CSNK1G3: variants seen among roughly 807,000 people sequenced by gnomAD.
CSNK1G3 encodes casein kinase 1 gamma 3.
In CSNK1G3, 23 loss-of-function variants were observed where a neutral mutation model predicts 64.3. The observed-to-expected ratio is 0.36, with a 90% CI of 0.26 to 0.51. The LOEUF (loss-of-function observed/expected upper bound fraction) is 0.51. Ranked by LOEUF, CSNK1G3 falls within the 20% of genes least tolerant of loss-of-function variation. The probability of loss-of-function intolerance (pLI) is 0.96; values close to 1 mark genes in which losing one functional copy is unlikely to be tolerated. For synonymous variants in CSNK1G3, 158 were observed against 162.2 expected (o/e 0.97, Z 0.20); for missense variants, 357 against 510.5 (o/e 0.70, Z 2.90).
In CSNK1G3 at chr5:123,597,785, C is replaced by G. The variant is rs145157918; in HGVS notation, c.1086+6371C>G. ...CTGCAGTCAGATTTGAGTTCAAACTCTGTGCCAAGATTATTTATTAGTAAA... is the reference window on the plus strand; with the variant it reads ...CTGCAGTCAGATTTGAGTTCAAACTGTGTGCCAAGATTATTTATTAGTAAA... On this transcript the variant is annotated intron_variant, in intron 10 of 12. Coordinates refer to ENST00000345990, the Ensembl canonical transcript of CSNK1G3. Among the ~76,000 whole-genome samples the G allele has an allele frequency of 2.7e-4, 41 of 152,226 alleles. No homozygotes were observed. In the East Asian group the frequency reaches 6.8e-3, roughly 25 times the overall value.
intron 10 of CSNK1G3, among the ~76,000 whole-genome samples, chr5:123,598,789 G>T (rs1392264528): frequency 2.0e-5 from 3 of 152,110 alleles, no homozygotes; most frequent in Non-Finnish European, 4.4e-5. Context: ...AATTTGACTA[G>T]TGTTTTCTAA....
At chr5:123,518,454 G>A (rs1777550223) in intron 1 of CSNK1G3, among the ~76,000 whole-genome samples, 4 of 152,164 alleles carry the variant, frequency 2.6e-5, no homozygotes. Context: ...TTTCTTGGCT[G>A]TTTGTCTTCT....
chr5:123,604,931 G>A, intron 11 of CSNK1G3, 101 bp downstream of exon 12: 2 of 844,534 alleles, frequency 2.4e-6, no homozygotes, highest in Non-Finnish European at 3.7e-6. Flanking sequence ...TTTTTTTCAG[G>A]GAATAGGTGC....
rs368346705 is a variant in CSNK1G3, at chr5:123,528,569, C to T, written c.-248+15999C>T. ...ATTGTCCCATATCTTTCCTCTAAATCGGTAGTGAGGTGTAGAGGTTTGATC... is the reference window on the plus strand; with the variant it reads ...ATTGTCCCATATCTTTCCTCTAAATTGGTAGTGAGGTGTAGAGGTTTGATC... On this transcript the variant is annotated intron_variant, in intron 1 of 12. Transcript: ENST00000345990. Among the ~76,000 whole-genome samples, 141 of 152,132 alleles carry T rather than the reference C, an allele frequency of 9.3e-4. 1 individual carries two copies. Among genetic ancestry groups the T allele is most frequent in the African/African-American group, 3.3e-3 (135 of 41,490 alleles).
intron 3 of CSNK1G3, among the ~76,000 whole-genome samples, chr5:123,556,146 T>C (rs1195660123): frequency 1.3e-5 from 2 of 152,090 alleles, no homozygotes; most frequent in African/African-American, 4.8e-5. Context: ...TCTCAAGAAC[T>C]AAGCTGATTG....
At chr5:123,588,135 T>G in exon 7 of CSNK1G3, 2 of 1,604,778 alleles carry the variant, frequency 1.2e-6, no homozygotes, top group Non-Finnish European at 1.7e-6. Context: ...GAGGCAGTCT[T>G]CCTTGGCAAG....
chr5:123,548,852 G>C (rs2150313088), intron 2 of CSNK1G3, among the ~76,000 whole-genome samples: 1 of 152,244 alleles, frequency 6.6e-6, no homozygotes, highest in East Asian at 1.9e-4. Flanking sequence ...GTTGAAAATG[G>C]GCATTTTATA....
chr5:123,519,344 T>G (rs935029568), intron 1 of CSNK1G3, among the ~76,000 whole-genome samples: 1 of 152,222 alleles, frequency 6.6e-6, no homozygotes. Flanking sequence ...TGAGCCACTG[T>G]GCCCGGCTGG....
At chr5:123,592,549 TTTTCTC>T (rs1474010649) in intron 10 of CSNK1G3, among the ~76,000 whole-genome samples, 2 of 151,996 alleles carry the variant, frequency 1.3e-5, no homozygotes, top group African/African-American at 4.8e-5. Flanking sequence ...TGTCTAGAAA[TTTTCTC>T]TTACAATCCA....
intron 12 of CSNK1G3, among the ~76,000 whole-genome samples, chr5:123,610,231 C>T (rs569572990): frequency 6.6e-6 from 1 of 152,018 alleles, no homozygotes; most frequent in South Asian, 2.1e-4. Context: ...ATCAAGAGAT[C>T]CAGAGATATG....
chr5:123,556,815 A>G (rs1784726647), intron 3 of CSNK1G3, among the ~76,000 whole-genome samples: 2 of 142,598 alleles, frequency 1.4e-5, no homozygotes, highest in South Asian at 4.2e-4. Context: ...GAATCTCAAA[A>G]ACATTTATGT....
At chr5:123,590,610 A>G (rs984670807) in intron 9 of CSNK1G3, 52 bp downstream of exon 9, 2 of 1,058,870 alleles carry the variant, frequency 1.9e-6, no homozygotes, top group African/African-American at 1.7e-5. Context: ...TGCCTTTTTA[A>G]TAGTACAATA....
chr5:123,582,371 C>T (rs1304176503), intron 6 of CSNK1G3, among the ~76,000 whole-genome samples: 2 of 151,960 alleles, frequency 1.3e-5, no homozygotes, highest in Admixed American at 6.6e-5. Flanking sequence ...TTGAAGTAGT[C>T]ACTTAATCTT....
intron 10 of CSNK1G3, among the ~76,000 whole-genome samples, chr5:123,603,928 T>TG (rs1167245887): frequency 3.9e-5 from 6 of 152,188 alleles, no homozygotes; most frequent in Admixed American, 1.3e-4. Context: ...AGCCAACAGT[T>TG]GGAGAGTTTT....
At chr5:123,577,616 G>A (rs575004195) in intron 6 of CSNK1G3, among the ~76,000 whole-genome samples, 329 of 151,682 alleles carry the variant, frequency 2.2e-3, no homozygotes, top group African/African-American at 7.6e-3. Flanking sequence ...GTTTTTAAAA[G>A]CTGAGGATAC....
At position 123,518,162 on chromosome 5, in the gene CSNK1G3, A is replaced by G. The variant is rs1777507359; in HGVS notation, c.-248+5592A>G. ...AATTAGGAATGCTGGGGTAGAGGAG[A>G]TTGTTCTTTGAAGGAGGAAATGTGA... On this transcript the variant is annotated intron_variant, in intron 1 of 12. Coordinates refer to ENST00000345990, the Ensembl canonical transcript of CSNK1G3. 3.9e-5 allele frequency among the ~76,000 whole-genome samples: 6 copies of G among 152,218 alleles called. No homozygotes were observed. In the South Asian group the frequency reaches 1.2e-3, roughly 32 times the overall value.
At chr5:123,542,193 A>G (rs1442698069) in intron 1 of CSNK1G3, among the ~76,000 whole-genome samples, 22 of 152,160 alleles carry the variant, frequency 1.4e-4, no homozygotes, top group Non-Finnish European at 2.9e-5. Context: ...AAATAGAGCT[A>G]ATTAACATAT....
chr5:123,612,081 A>G (rs1034680347), intron 12 of CSNK1G3, among the ~76,000 whole-genome samples: 7 of 152,196 alleles, frequency 4.6e-5, no homozygotes, highest in Non-Finnish European at 7.4e-5. Context: ...TGACTGGGTA[A>G]TCCATTTCAG....
chr5:123,550,617 A>C (rs1783445597), intron 2 of CSNK1G3, among the ~76,000 whole-genome samples: 1 of 152,226 alleles, frequency 6.6e-6, no homozygotes, highest in Non-Finnish European at 1.5e-5. Flanking sequence ...CCAAAGCCAC[A>C]AAATTGGTAA....
Sources: allele counts gnomAD v4.1 joint callset (sites outside exome capture counted in the v4.1 genomes callset), GRCh38; gene constraint gnomAD v4.1.1; transcripts MANE v1.5; gene names NCBI Gene and HGNC (gene_info 2026-07-23, HGNC 2026-07-21).